EGFR: variants seen among roughly 807,000 people sequenced by gnomAD.
EGFR encodes avian erythroblastic leukemia viral (v-erb-b) oncogene homolog.
A neutral mutation model predicts 143.0 loss-of-function variants in EGFR; 58 were observed. That is an observed-to-expected ratio of 0.41 (90% CI 0.33 to 0.50). The LOEUF is 0.50. Ranked by LOEUF, EGFR falls within the 20% of genes least tolerant of loss-of-function variation. The pLI is 0.39. For missense variants in EGFR, 1,307 were observed against 1,579.0 expected, an observed-to-expected ratio of 0.83 and a Z score of 2.92; for synonymous variants, 613 against 594.4, an observed-to-expected ratio of 1.03 and a Z score of -0.45.
intron 1 of EGFR, among the ~76,000 whole-genome samples, chr7:55,124,967 T>C (rs761908191): frequency 2.6e-5 from 4 of 152,234 alleles, no homozygotes; most frequent in African/African-American, 4.8e-5. Flanking sequence ...GCCATCTCCC[T>C]GGTGCACTGT....
intron 4 of EGFR, among the ~76,000 whole-genome samples, 188 bp downstream of exon 4, chr7:55,146,928 G>C (rs573601169): frequency 6.6e-6 from 1 of 152,134 alleles, no homozygotes. Context: ...TTTTTGTGGC[G>C]GGTGGCAGCC....
chr7:55,191,058 G>A (rs932861770), intron 20 of EGFR, among the ~76,000 whole-genome samples: 6 of 152,176 alleles, frequency 3.9e-5, no homozygotes, highest in African/African-American at 1.4e-4. Context: ...TGGGCGCTGT[G>A]CTGGCTGCTT....
At chr7:55,080,534 G>T (rs1029541267) in intron 1 of EGFR, among the ~76,000 whole-genome samples, 2 of 152,164 alleles carry the variant, frequency 1.3e-5, no homozygotes, top group Admixed American at 6.5e-5. Flanking sequence ...GTTACCAGGG[G>T]CTGGGAAGGT....
chr7:55,120,619 G>C (rs746961812), intron 1 of EGFR, among the ~76,000 whole-genome samples: 1 of 152,174 alleles, frequency 6.6e-6, no homozygotes, highest in Non-Finnish European at 1.5e-5. Flanking sequence ...CTCCATCCGG[G>C]CGGAGACTGT....
At chr7:55,168,810 C>T (rs556031805) in intron 15 of EGFR, among the ~76,000 whole-genome samples, 10 of 152,182 alleles carry the variant, frequency 6.6e-5, no homozygotes, top group East Asian at 1.9e-4. Flanking sequence ...TTTTAAAATA[C>T]GGCCAAGTGT....
chr7:55,029,030 G>A (rs1443088650), intron 1 of EGFR, among the ~76,000 whole-genome samples: 1 of 152,130 alleles, frequency 6.6e-6, no homozygotes, highest in South Asian at 2.1e-4. Flanking sequence ...GCGGTGGCAC[G>A]TGCCTGTAGT....
Position 55,166,838 on chromosome 7 carries a change from TTGG to T in EGFR, c.1880+1407_1880+1409del, listed in dbSNP as rs1166625984. 1.9e-4 allele frequency among the ~76,000 whole-genome samples: 12 copies of T among 62,950 alleles called. 2 individuals are homozygous for T. The highest frequency in any genetic ancestry group is 1.0e-3 in the Admixed American group (6 of 5,846). 41.3% of individuals were successfully genotyped at this position (62,950 alleles called of 152,430 possible). A position where few individuals can be genotyped will look rare whatever the true frequency, so the allele number is the denominator to read the frequency against. ...GGTGGGAGTCACAATGGTGGCAGTG[TTGG>T]TGGTGAGGAGGTGGGAGTCACAATG... is the stretch of plus-strand genomic sequence containing the variant. On this transcript the variant is annotated intron_variant, in intron 15 of 27. Transcript: ENST00000275493.
At chr7:55,167,454 T>TGG (rs1786106347) in intron 15 of EGFR, among the ~76,000 whole-genome samples, 4 of 96,222 alleles carry the variant, frequency 4.2e-5, no homozygotes, top group East Asian at 3.1e-4. Flanking sequence ...AGTCACAACG[T>TGG]TGGTGGTGAT....
intron 15 of EGFR, chr7:55,170,538 C>T (rs747050636): frequency 1.2e-6 from 2 of 1,613,200 alleles, no homozygotes; most frequent in Non-Finnish European, 1.7e-6. Flanking sequence ...CCTCCTCCTG[C>T]CACTGAGCCT....
intron 22 of EGFR, among the ~76,000 whole-genome samples, chr7:55,196,363 G>C (rs1406075801): frequency 1.3e-5 from 2 of 151,372 alleles, no homozygotes; most frequent in Non-Finnish European, 2.9e-5. Context: ...CTTTTTAATG[G>C]GATTGTTTAA....
In EGFR at chr7:55,156,743, C is replaced by G. The variant is rs1411267459; in HGVS notation, c.1134-16C>G. ...TAGAGATTGGTGATCAATAATCACC[C>G]TGTTGTTTGTTTCAGTGACTCCTTC... On this transcript the variant is annotated splice_polypyrimidine_tract_variant and intron_variant, in intron 9 of 27. Transcript: ENST00000275493. The G allele has an allele frequency of 1.9e-6, 3 of 1,613,980 alleles. No homozygotes were observed. Among genetic ancestry groups the G allele is most frequent in the East Asian group, 4.5e-5 (2 of 44,888 alleles).
At chr7:55,200,212 T>C (rs1315526105) in intron 23 of EGFR, 104 bp from the exon 24 acceptor site, 1 of 1,108,060 alleles carries the variant, frequency 9.0e-7, no homozygotes, top group Non-Finnish European at 1.4e-6. Flanking sequence ...TCATCACTTA[T>C]TTGACTGGAA....
chr7:55,191,978 C>CCAGAATGTCTGG, intron 21 of EGFR, 104 bp downstream of exon 21: 1 of 1,547,876 alleles, frequency 6.5e-7, no homozygotes, highest in Non-Finnish European at 8.8e-7. Flanking sequence ...GGATGCTCTC[C>CCAGAATGTCTGG]AGACATTCTG....
intron 10 of EGFR, 57 bp downstream of exon 10, chr7:55,156,889 A>T (rs781151300): frequency 6.2e-7 from 1 of 1,612,030 alleles, no homozygotes; most frequent in Admixed American, 1.7e-5. Context: ...TAGAGAGAGA[A>T]CTTTTCGACA....
chr7:55,152,681 G>T lies in EGFR; in HGVS notation c.747+17G>T. ...GACTGCCTGGTAAGATGCCCCTCCA[G>T]CAGCCTCCCTGGAGCAGGCTGGGGC... is the stretch of plus-strand genomic sequence containing the variant. On this transcript the variant is annotated intron_variant, in intron 6 of 27. Transcript: ENST00000275493. The T allele has an allele frequency of 6.2e-7, 1 of 1,610,432 alleles. No individual in the cohort carries two copies. The highest frequency in any genetic ancestry group is 8.5e-7 in the Non-Finnish European group (1 of 1,177,564).
rs902055805 is a variant in EGFR at position 55,027,027 on chromosome 7, G to T, written c.88+7662G>T. Among the ~76,000 whole-genome samples, 8 of 152,306 alleles carry T rather than the reference G, an allele frequency of 5.3e-5. No homozygotes were observed. The South Asian group carries it at 1.4e-3, about 28-fold the overall frequency. ...GGCAGGCCCCGGTCTGTGCACACAA[G>T]TCCTCAGGGAGATTCTGACTGATGC... On this transcript the variant is annotated intron_variant, in intron 1 of 27. Transcript: ENST00000275493.
At chr7:55,115,948 G>A (rs915135784) in intron 1 of EGFR, among the ~76,000 whole-genome samples, 1 of 152,326 alleles carries the variant, frequency 6.6e-6, no homozygotes, top group Admixed American at 6.5e-5. Context: ...TGCTTCCCAT[G>A]TAACTGGAGA....
At chr7:55,155,769 G>A (rs1785378246) in intron 7 of EGFR, 61 bp from the exon 8 acceptor site, 9 of 1,373,456 alleles carry the variant, frequency 6.6e-6, no homozygotes, top group Admixed American at 3.3e-5. Context: ...TGGACCGCCT[G>A]TGTGAGGCCC....
At chr7:55,048,189 G>A (rs1473888046) in intron 1 of EGFR, among the ~76,000 whole-genome samples, 2 of 152,264 alleles carry the variant, frequency 1.3e-5, no homozygotes, top group East Asian at 3.9e-4. Flanking sequence ...TTTGTTTTCA[G>A]TTAGGAATTA....
Sources: gnomAD v4.1 joint callset for allele counts (sites outside exome capture counted in the v4.1 genomes callset) on GRCh38, gnomAD v4.1.1 for gene constraint, MANE v1.5 for transcripts, NCBI Gene and HGNC (gene_info 2026-07-23, HGNC 2026-07-21) for gene names.